The following DGKB variants were observed in gnomAD, a reference collection of about 807,000 sequenced individuals.
DGKB encodes the protein diacylglycerol kinase beta.
In DGKB, 67 loss-of-function variants were observed where a neutral mutation model predicts 114.3. That is an observed-to-expected ratio of 0.59 (90% CI 0.48 to 0.72). The LOEUF (loss-of-function observed/expected upper bound fraction) is 0.72, where lower values mean the gene tolerates loss of function less well. Among genes scored for constraint, DGKB ranks in the 30% least tolerant of loss-of-function variants. DGKB has a pLI of 0.00. For missense variants in DGKB, 907 were observed against 975.2 expected (o/e 0.93, Z 0.93); for synonymous variants, 398 against 323.1 (o/e 1.23, Z -2.49).
chr7:14,319,147 G>C (rs1227592515), intron 23 of DGKB, among the ~76,000 whole-genome samples: 1 of 138,278 alleles, frequency 7.2e-6, no homozygotes, highest in Non-Finnish European at 1.6e-5. Context: ...TGGGGTGAGG[G>C]GAGGGGGGAG....
chr7:14,771,986 G>C (rs893305510), intron 2 of DGKB, among the ~76,000 whole-genome samples: 6 of 149,284 alleles, frequency 4.0e-5, no homozygotes, highest in African/African-American at 1.5e-4. Flanking sequence ...ATTGATCCCA[G>C]GTCTCCAGAT....
chr7:14,973,924 T>A (rs1273600653), intron 1 of DGKB, among the ~76,000 whole-genome samples: 1 of 149,052 alleles, frequency 6.7e-6, no homozygotes, highest in Non-Finnish European at 1.5e-5. Context: ...CATATAAATT[T>A]AAAATTATTT....
intron 21 of DGKB, among the ~76,000 whole-genome samples, chr7:14,416,959 G>A (rs569386068): frequency 3.9e-5 from 6 of 152,098 alleles, no homozygotes; most frequent in Non-Finnish European, 7.4e-5. Flanking sequence ...ATCACTGACC[G>A]GGCAATTTCT....
At chr7:14,460,435 A>T (rs1832907707) in intron 21 of DGKB, among the ~76,000 whole-genome samples, 1 of 152,046 alleles carries the variant, frequency 6.6e-6, no homozygotes, top group South Asian at 2.1e-4. Context: ...CAAAGAAAAA[A>T]AAAACCAGGG....
chr7:14,780,161 G>A (rs1037697311), intron 2 of DGKB, among the ~76,000 whole-genome samples: 3 of 152,114 alleles, frequency 2.0e-5, no homozygotes, highest in Non-Finnish European at 4.4e-5. Context: ...GGAAATGAGC[G>A]GGACCTAGAC....
intron 21 of DGKB, among the ~76,000 whole-genome samples, chr7:14,377,832 C>A (rs1225646381): frequency 6.6e-6 from 1 of 152,176 alleles, no homozygotes; most frequent in African/African-American, 2.4e-5. Flanking sequence ...GTAGGTTATA[C>A]TCCTTTTGCA....
chr7:14,280,191 G>A (rs1185563660), intron 23 of DGKB, among the ~76,000 whole-genome samples: 1 of 152,008 alleles, frequency 6.6e-6, no homozygotes, highest in Non-Finnish European at 1.5e-5. Context: ...GAAAACCAAG[G>A]CTCGAGAACT....
intron 21 of DGKB, among the ~76,000 whole-genome samples, chr7:14,423,560 G>C (rs1827052414): frequency 6.6e-6 from 1 of 152,004 alleles, no homozygotes; most frequent in Admixed American, 6.6e-5. Context: ...TTACTGATTA[G>C]TAGTTCATAA....
At chr7:14,863,679 A>G (rs1440027689) in intron 1 of DGKB, among the ~76,000 whole-genome samples, 1 of 152,144 alleles carries the variant, frequency 6.6e-6, no homozygotes, top group Non-Finnish European at 1.5e-5. Flanking sequence ...AAATGTTTTG[A>G]TCTACATGTA....
chr7:14,758,928 G>GATACATAGATAC (rs57342193), intron 2 of DGKB, among the ~76,000 whole-genome samples: 2,049 of 146,878 alleles, frequency 0.014, 68 homozygotes, highest in Admixed American at 0.07. Context: ...TAGATAGATA[G>GATACATAGATAC]ATAGATACAT....
chr7:14,574,406 C>G, intron 19 of DGKB, 34 bp from the exon 20 acceptor site: 1 of 1,564,956 alleles, frequency 6.4e-7, no homozygotes. Context: ...GAGAAAAGAA[C>G]TCTAACCAAA....
chr7:14,819,024 T>C (rs1419762912), intron 2 of DGKB, among the ~76,000 whole-genome samples: 1 of 152,174 alleles, frequency 6.6e-6, no homozygotes, highest in East Asian at 1.9e-4. Flanking sequence ...CTATTTGCTC[T>C]CTCCTCTACA....
intron 21 of DGKB, among the ~76,000 whole-genome samples, chr7:14,467,660 T>C (rs1780673280): frequency 6.6e-6 from 1 of 152,164 alleles, no homozygotes; most frequent in Admixed American, 6.5e-5. Flanking sequence ...GCAATGTTTA[T>C]GAGTGAACCA....
intron 23 of DGKB, among the ~76,000 whole-genome samples, chr7:14,202,819 T>C (rs750939446): frequency 5.9e-5 from 9 of 151,976 alleles, no homozygotes; most frequent in Non-Finnish European, 1.3e-4. Context: ...ATTTTATGAA[T>C]TTTGAATTCT....
At chr7:14,246,875 G>T (rs1794558293) in intron 23 of DGKB, among the ~76,000 whole-genome samples, 1 of 152,010 alleles carries the variant, frequency 6.6e-6, no homozygotes, top group South Asian at 2.1e-4. Flanking sequence ...TAACTATACT[G>T]CTGTATATTA....
At position 14,250,432 on chromosome 7, in the gene DGKB, G is replaced by T. The variant is rs146079870; in HGVS notation, c.2123-72281C>A. 1.6e-4 allele frequency among the ~76,000 whole-genome samples: 25 copies of T among 152,046 alleles called. No homozygotes were observed. In the East Asian group the frequency reaches 4.8e-3, roughly 29 times the overall value. ...TCCAATGGTTGTTCAGGAGTATGTT[G>T]TTTAGTTTCCTCATATTTTTAATTT... On this transcript the variant is annotated intron_variant, in intron 23 of 25. Coordinates refer to ENST00000402815, the MANE Select transcript of DGKB (RefSeq NM_001350709.2).
intron 20 of DGKB, among the ~76,000 whole-genome samples, chr7:14,569,082 T>G (rs1798001649): frequency 6.6e-6 from 1 of 152,182 alleles, no homozygotes; most frequent in Admixed American, 6.5e-5. Context: ...TATTCTAGAT[T>G]CATTGATTGA....
intron 25 of DGKB, among the ~76,000 whole-genome samples, chr7:14,155,755 C>A (rs1584095667): frequency 6.6e-6 from 1 of 151,960 alleles, no homozygotes; most frequent in Non-Finnish European, 1.5e-5. Context: ...TGCTTGTGGT[C>A]TTCGTAATGT....
rs1787663035 is a variant in DGKB, at chr7:14,509,597, ATAT to A, written c.1771-31375_1771-31373del. On this transcript the variant is annotated intron_variant, in intron 20 of 25. Transcript: ENST00000402815. Reference sequence around the variant, plus strand: ...GAATGACTCACGAGTTCTCCTTCACATATTAATCCTTTTCCTCATCGGTTCCTC... The same window carrying A: ...GAATGACTCACGAGTTCTCCTTCACATAATCCTTTTCCTCATCGGTTCCTC... 2.0e-5 allele frequency among the ~76,000 whole-genome samples: 3 copies of A among 152,290 alleles called. No homozygotes were observed. The South Asian group carries it at 6.2e-4, about 32-fold the overall frequency.
Sources: gnomAD v4.1 joint callset for allele counts (sites outside exome capture counted in the v4.1 genomes callset) on GRCh38, gnomAD v4.1.1 for gene constraint, MANE v1.5 for transcripts, NCBI Gene and HGNC (gene_info 2026-07-23, HGNC 2026-07-21) for gene names.